Variants in SOCS2 observed in about 807,000 individuals in gnomAD.
SOCS2 encodes suppressor of cytokine signaling 2.
Under a neutral mutation model 18.6 loss-of-function variants are expected in SOCS2, and 10 were observed. The ratio of observed to expected loss-of-function variants is 0.54; its 90% CI spans 0.33 to 0.91. SOCS2 has a LOEUF of 0.91. Among genes scored for constraint, SOCS2 ranks in the 40% least tolerant of loss-of-function variants. SOCS2 has a pLI of 0.02. For missense variants in SOCS2, 231 were observed against 247.2 expected (o/e 0.93, Z 0.44); for synonymous variants, 104 against 104.0 (o/e 1.00, Z 0.00).
the SOCS2 span, among the ~76,000 whole-genome samples, chr12:93,613,861 ATAC>A: frequency 6.6e-6 from 1 of 152,216 alleles, no homozygotes; most frequent in South Asian, 2.1e-4. Flanking sequence ...CCATCAACAT[ATAC>A]TACTATAGCG....
At chr12:93,584,369 A>G (rs1274920492), downstream of SOCS2, among the ~76,000 whole-genome samples, 1 of 152,206 alleles carries the variant, frequency 6.6e-6, no homozygotes, top group East Asian at 1.9e-4. Context: ...TGATTAAATT[A>G]GATTTTTGGG....
intron 1 of SOCS2, 173 bp downstream of exon 1, chr12:93,573,209 A>G (rs1384590070): frequency 7.2e-6 from 6 of 832,804 alleles, no homozygotes; most frequent in Non-Finnish European, 1.1e-5. Flanking sequence ...ATGCGTAAGG[A>G]AAGTGGTTCT....
At chr12:93,619,360 G>A in the SOCS2 span, among the ~76,000 whole-genome samples, 8,672 of 152,212 alleles carry the variant, frequency 0.057, 606 homozygotes, top group African/African-American at 0.17. Context: ...CCAGAACAGG[G>A]CAGGAAGGGT....
At chr12:93,622,853 G>C in the SOCS2 span, among the ~76,000 whole-genome samples, 1 of 152,144 alleles carries the variant, frequency 6.6e-6, no homozygotes. Flanking sequence ...AATGGAATCT[G>C]TATGTCAAGT....
chr12:93,595,358 T>C, the SOCS2 span, among the ~76,000 whole-genome samples: 2 of 152,346 alleles, frequency 1.3e-5, no homozygotes, highest in East Asian at 1.9e-4. Flanking sequence ...TGAAGATAAA[T>C]TGCAGATCCA....
At chr12:93,614,157 G>C in the SOCS2 span, among the ~76,000 whole-genome samples, 2 of 151,648 alleles carry the variant, frequency 1.3e-5, no homozygotes, top group Non-Finnish European at 2.9e-5. Flanking sequence ...CCAGGGTTTT[G>C]GGTTGATCAA....
rs1203113446 is a variant in SOCS2 at position 93,576,121 on chromosome 12, A to G, written c.*942A>G. 2 of 152,626 alleles carry G rather than the reference A, an allele frequency of 1.3e-5. No individual in the cohort carries two copies. Among genetic ancestry groups the G allele is most frequent in the Non-Finnish European group, 2.9e-5 (2 of 68,032 alleles). The allele number at this position is 152,626 out of a possible 1,614,324, so 9.5% of individuals were successfully genotyped here. On this transcript the variant is annotated 3_prime_UTR_variant, in exon 2 of 2. Transcript: ENST00000551556. ...TTAATTTTCTTCCAGATACAGGGGGATACCTGCCTGTTTTTCAAAGTGTTT... is the reference window on the plus strand; with the variant it reads ...TTAATTTTCTTCCAGATACAGGGGGGTACCTGCCTGTTTTTCAAAGTGTTT...
At chr12:93,617,043 C>T in the SOCS2 span, among the ~76,000 whole-genome samples, 33 of 152,292 alleles carry the variant, frequency 2.2e-4, no homozygotes, top group African/African-American at 7.0e-4. Flanking sequence ...CCAGTACTAC[C>T]GAGGTGGCTG....
the SOCS2 span, among the ~76,000 whole-genome samples, chr12:93,608,278 G>A: frequency 6.6e-6 from 1 of 151,942 alleles, no homozygotes; most frequent in African/African-American, 2.4e-5. Context: ...TGAGATTACA[G>A]GCATGAACCA....
the SOCS2 span, among the ~76,000 whole-genome samples, chr12:93,614,480 T>TTCCTTTCCTTCCTTCCTTCCTTCC: frequency 3.8e-5 from 1 of 26,134 alleles, no homozygotes; most frequent in Non-Finnish European, 6.6e-5. Flanking sequence ...CCTTCCTTCC[T>TTCCTTTCCTTCCTTCCTTCCTTCC]TTCCTTCCTT....
At chr12:93,619,820 A>T in the SOCS2 span, among the ~76,000 whole-genome samples, 1 of 152,158 alleles carries the variant, frequency 6.6e-6, no homozygotes, top group Non-Finnish European at 1.5e-5. Flanking sequence ...AATGCTCTAT[A>T]GCCTGCCTAA....
chr12:93,570,023 T>A (rs911656298), upstream of SOCS2: 1 of 152,090 alleles, frequency 6.6e-6, no homozygotes, highest in Non-Finnish European at 1.5e-5. Context: ...GAGATGAGTT[T>A]CCACTAAGGC....
the SOCS2 span, among the ~76,000 whole-genome samples, chr12:93,603,274 G>T: frequency 6.6e-6 from 1 of 152,208 alleles, no homozygotes; most frequent in Non-Finnish European, 1.5e-5. Context: ...GTCACTGTGT[G>T]CAGGGCCTTG....
the SOCS2 span, among the ~76,000 whole-genome samples, chr12:93,590,619 A>G: frequency 6.6e-6 from 1 of 151,022 alleles, no homozygotes; most frequent in Non-Finnish European, 1.5e-5. Context: ...ACATGGTGAA[A>G]CCTGTCTCTA....
the SOCS2 span, among the ~76,000 whole-genome samples, chr12:93,593,691 G>A: frequency 6.6e-6 from 1 of 152,076 alleles, no homozygotes; most frequent in Admixed American, 6.6e-5. Context: ...TGCTTATCTG[G>A]AAAATAACCC....
At chr12:93,607,198 T>C in the SOCS2 span, among the ~76,000 whole-genome samples, 1 of 152,214 alleles carries the variant, frequency 6.6e-6, no homozygotes, top group Non-Finnish European at 1.5e-5. Flanking sequence ...CTTGAGACCA[T>C]AGACTATCTC....
At chr12:93,578,053 C>A (rs1258133004), downstream of SOCS2, among the ~76,000 whole-genome samples, 1 of 152,164 alleles carries the variant, frequency 6.6e-6, no homozygotes, top group Non-Finnish European at 1.5e-5. Flanking sequence ...CTGTTCTGGG[C>A]AGAGATGAGG....
chr12:93,614,495 C>CTTTCTTT, the SOCS2 span, among the ~76,000 whole-genome samples: 1 of 41,922 alleles, frequency 2.4e-5, no homozygotes, highest in Non-Finnish European at 4.0e-5. Flanking sequence ...TTCCTTCCTT[C>CTTTCTTT]CTTCCTTCCT....
At chr12:93,591,128 A>G in the SOCS2 span, among the ~76,000 whole-genome samples, 33 of 152,124 alleles carry the variant, frequency 2.2e-4, no homozygotes, top group Non-Finnish European at 8.8e-5. Flanking sequence ...TGGAAGAAGT[A>G]GTTACGTTAC....
Sources: gnomAD v4.1 joint callset for allele counts (sites outside exome capture counted in the v4.1 genomes callset) on GRCh38, gnomAD v4.1.1 for gene constraint, MANE v1.5 for transcripts, NCBI Gene and HGNC (gene_info 2026-07-23, HGNC 2026-07-21) for gene names.